CNTN5: variants seen among roughly 807,000 people sequenced by gnomAD.
The protein encoded by CNTN5 is contactin 5.
A neutral mutation model predicts 129.1 loss-of-function variants in CNTN5; 77 were observed. The observed-to-expected ratio is 0.60, with a 90% CI of 0.50 to 0.72. CNTN5 has a LOEUF of 0.72. CNTN5 is among the 30% of genes least tolerant of loss of function. CNTN5 has a pLI of 0.00. For missense variants in CNTN5, 1,478 were observed against 1,328.8 expected (o/e 1.11, Z -1.75); for synonymous variants, 509 against 465.6 (o/e 1.09, Z -1.20).
chr11:99,755,958 T>C (rs1219629181), intron 3 of CNTN5, among the ~76,000 whole-genome samples: 5 of 152,112 alleles, frequency 3.3e-5, no homozygotes, highest in African/African-American at 1.2e-4. Flanking sequence ...TTTTAACTAA[T>C]GTTAATAAAA....
chr11:99,620,924 A>T (rs528435718), intron 3 of CNTN5, among the ~76,000 whole-genome samples: 24 of 110,618 alleles, frequency 2.2e-4, no homozygotes, highest in African/African-American at 6.5e-4. Flanking sequence ...TATACTTAGA[A>T]TTTTTTTTCT....
chr11:100,034,031 T>C (rs1277632560), intron 9 of CNTN5, among the ~76,000 whole-genome samples: 1 of 152,184 alleles, frequency 6.6e-6, no homozygotes, highest in Non-Finnish European at 1.5e-5. Context: ...ACTTCCTGCT[T>C]TTTAGAGACT....
At position 100,275,409 on chromosome 11, in the gene CNTN5, A is replaced by G. The variant is rs367811081; in HGVS notation, c.2314+4168A>G. Among the ~76,000 whole-genome samples, 11 of 152,366 alleles carry G rather than the reference A, an allele frequency of 7.2e-5. No individual in the cohort carries two copies. The South Asian group carries it at 2.3e-3, about 32-fold the overall frequency. On this transcript the variant is annotated intron_variant, in intron 18 of 24. Coordinates refer to ENST00000524871, the MANE Select transcript of CNTN5 (RefSeq NM_014361.4). ...GTACTTATGCTCACATATTTTCTAA[A>G]AAGCGCTGCCTTACTTTGCATATTG...
chr11:100,349,064 A>G (rs1348713228), intron 23 of CNTN5, among the ~76,000 whole-genome samples: 2 of 151,924 alleles, frequency 1.3e-5, no homozygotes, highest in Non-Finnish European at 2.9e-5. Context: ...AAGGATTTCC[A>G]TAGATAAAAT....
intron 4 of CNTN5, among the ~76,000 whole-genome samples, chr11:99,828,009 T>C (rs963215037): frequency 1.1e-4 from 15 of 136,720 alleles, no homozygotes; most frequent in Non-Finnish European, 2.4e-4. Context: ...CATTAACTCA[T>C]CACAAGAGAG....
At chr11:99,075,696 A>G (rs1375655046) in intron 1 of CNTN5, among the ~76,000 whole-genome samples, 1 of 152,114 alleles carries the variant, frequency 6.6e-6, no homozygotes, top group Non-Finnish European at 1.5e-5. Context: ...CTCTTAAGGG[A>G]ATTGTCATAA....
At chr11:99,344,460 A>G (rs561342373) in intron 2 of CNTN5, among the ~76,000 whole-genome samples, 26 of 152,312 alleles carry the variant, frequency 1.7e-4, no homozygotes, top group African/African-American at 5.8e-4. Flanking sequence ...CAGGGTCTTC[A>G]TACTAACGTT....
intron 9 of CNTN5, among the ~76,000 whole-genome samples, chr11:100,004,693 A>G (rs919996560): frequency 3.3e-5 from 5 of 152,144 alleles, no homozygotes; most frequent in South Asian, 4.1e-4. Context: ...CCTGATAGCA[A>G]TGACTCATTG....
At chr11:99,854,006 A>G (rs1029853717) in intron 6 of CNTN5, among the ~76,000 whole-genome samples, 1 of 152,112 alleles carries the variant, frequency 6.6e-6, no homozygotes, top group East Asian at 1.9e-4. Context: ...TTTGTTTTGC[A>G]TGTCTGTAAT....
At chr11:99,347,511 A>G (rs903806424) in intron 2 of CNTN5, among the ~76,000 whole-genome samples, 2 of 151,136 alleles carry the variant, frequency 1.3e-5, no homozygotes, top group Non-Finnish European at 3.0e-5. Context: ...GTTTTCTTAT[A>G]TCTAATAAGA....
chr11:100,098,900 T>C (rs1465183643), intron 13 of CNTN5, among the ~76,000 whole-genome samples: 1 of 151,998 alleles, frequency 6.6e-6, no homozygotes, highest in East Asian at 1.9e-4. Context: ...GTGAGCAGAG[T>C]GTCAGGAAAA....
chr11:99,170,002 A>C (rs1861067167), intron 1 of CNTN5, among the ~76,000 whole-genome samples: 1 of 152,178 alleles, frequency 6.6e-6, no homozygotes, highest in Non-Finnish European at 1.5e-5. Flanking sequence ...GGGAAAGACA[A>C]AGATTACTTC....
chr11:100,060,714 A>G (rs1943434503), intron 9 of CNTN5, among the ~76,000 whole-genome samples: 1 of 145,532 alleles, frequency 6.9e-6, no homozygotes, highest in South Asian at 2.1e-4. Context: ...ATCTCGGCTC[A>G]CTGCAACCTC....
chr11:100,198,415 G>GACAC (rs10603849), intron 15 of CNTN5, among the ~76,000 whole-genome samples: 2 of 150,350 alleles, frequency 1.3e-5, no homozygotes, highest in Non-Finnish European at 3.0e-5. Flanking sequence ...TGTCTGTCTA[G>GACAC]ACACACACAC....
At chr11:99,597,571 ACTGT>A (rs1465148929) in intron 3 of CNTN5, among the ~76,000 whole-genome samples, 1 of 151,966 alleles carries the variant, frequency 6.6e-6, no homozygotes, top group Non-Finnish European at 1.5e-5. Flanking sequence ...ACTGGCTCTG[ACTGT>A]CAGGGTTTTT....
At position 100,068,387 on chromosome 11, in the gene CNTN5, T is replaced by C. The variant is rs775901017; in HGVS notation, c.1163-2037T>C. On this transcript the variant is annotated intron_variant, in intron 10 of 24. Coordinates refer to ENST00000524871, the MANE Select transcript of CNTN5 (RefSeq NM_014361.4). ...TTAATACCTCTTACTTAATTTAGAA[T>C]AAACACTGAATCGTGAGTAGAATTA... Among the ~76,000 whole-genome samples, 8 of 152,254 alleles carry C rather than the reference T, an allele frequency of 5.3e-5. No individual in the cohort carries two copies. In the East Asian group the frequency reaches 5.8e-4, roughly 11 times the overall value.
chr11:99,388,059 A>T (rs1264733252), intron 2 of CNTN5, among the ~76,000 whole-genome samples: 1 of 152,004 alleles, frequency 6.6e-6, no homozygotes, highest in Non-Finnish European at 1.5e-5. Context: ...TATTTGTCTA[A>T]ATATTATAGC....
chr11:99,513,846 C>A (rs1161063385), intron 2 of CNTN5, among the ~76,000 whole-genome samples: 2 of 152,036 alleles, frequency 1.3e-5, no homozygotes, highest in Non-Finnish European at 2.9e-5. Context: ...TGCCTGTTAG[C>A]AGAATATCCA....
intron 3 of CNTN5, among the ~76,000 whole-genome samples, chr11:99,805,532 A>T (rs995722361): frequency 6.6e-6 from 1 of 152,230 alleles, no homozygotes; most frequent in Non-Finnish European, 1.5e-5. Context: ...AGCTGTAGAC[A>T]CAGCCTTGCA....
Sources: allele counts gnomAD v4.1 joint callset (sites outside exome capture counted in the v4.1 genomes callset), GRCh38; gene constraint gnomAD v4.1.1; transcripts MANE v1.5; gene names NCBI Gene and HGNC (gene_info 2026-07-23, HGNC 2026-07-21).